Variants in NLRP4 observed in about 807,000 individuals in gnomAD.
NLRP4 encodes the protein NLR family pyrin domain containing 4, also known as NACHT, LRR and PYD domains-containing protein 4.
A neutral mutation model predicts 84.7 loss-of-function variants in NLRP4; 44 were observed. The observed-to-expected ratio is 0.52, with a 90% CI of 0.41 to 0.67. NLRP4 has a LOEUF of 0.67. Among genes scored for constraint, NLRP4 ranks in the 30% least tolerant of loss-of-function variants. The pLI is 0.00. For synonymous variants in NLRP4, 544 were observed against 476.4 expected, an observed-to-expected ratio of 1.14 and a Z score of -1.85; for missense variants, 1,260 against 1,219.4, an observed-to-expected ratio of 1.03 and a Z score of -0.50.
intron 6 of NLRP4, among the ~76,000 whole-genome samples, chr19:55,869,947 T>C (rs887043082): frequency 6.6e-6 from 1 of 151,934 alleles, no homozygotes; most frequent in Non-Finnish European, 1.5e-5. Context: ...AAAATTAGCT[T>C]GGTGTGGTGG....
At chr19:55,840,792 T>G (rs923701970) in intron 1 of NLRP4, among the ~76,000 whole-genome samples, 1 of 152,216 alleles carries the variant, frequency 6.6e-6, no homozygotes, top group Admixed American at 6.5e-5. Flanking sequence ...TTATGCAGCA[T>G]CTAGATTTCT....
rs1984604938 is a variant in NLRP4 at position 55,859,047 on chromosome 19, G to A, written c.1654G>A (p.Ala552Thr). Reference sequence around the variant, plus strand: ...TCCTCAGGGACAGGTGGATTCCTTGGCGATATTTTACTGTCTCTTTGAAAT... The same window carrying A: ...TCCTCAGGGACAGGTGGATTCCTTGACGATATTTTACTGTCTCTTTGAAAT... ...GNPQGQVDSL[A>T]IFYCLFEMQD... is the part of the protein sequence containing the mutation. Residue 552 changes from alanine to threonine, a missense_variant, in exon 3 of 10, where the codon GCG (alanine) becomes ACG (threonine). Physicochemically the swap from Ala to Thr is moderately conservative, Grantham distance 58. Around this residue, in one of 3 missense-constraint regions of NLRP4, gnomAD observed 4 missense variants for 18.5 expected, o/e 0.22. Transcript: ENST00000301295. 6.2e-7 allele frequency: 1 copy of A among 1,613,858 alleles called. No individual in the cohort carries two copies.
intron 1 of NLRP4, among the ~76,000 whole-genome samples, chr19:55,850,382 G>GTAATGTCCGAGGCTGCGGTC (rs2123012169): frequency 1.8e-5 from 1 of 55,494 alleles, no homozygotes; most frequent in Admixed American, 1.7e-4. Flanking sequence ...AGGCTGCGGT[G>GTAATGTCCGAGGCTGCGGTC]TAATGTCCGT....
rs370917669 is a variant in NLRP4 at position 55,866,923 on chromosome 19, A to AT, written c.2187-782dup. ...TGTGGATCATGTTGTATATTTTGGG[A>AT]TTTTCTCCAAGTGCAGTGAGATAAG... On this transcript the variant is annotated intron_variant, in intron 5 of 9. Transcript: ENST00000301295. Among the ~76,000 whole-genome samples, 19 of 152,174 alleles carry AT rather than the reference A, an allele frequency of 1.2e-4. 1 individual carries two copies. The highest frequency in any genetic ancestry group is 3.9e-4 in the African/African-American group (16 of 41,504).
At chr19:55,850,014 A>AG (rs1983990747) in intron 1 of NLRP4, among the ~76,000 whole-genome samples, 2 of 58,664 alleles carry the variant, frequency 3.4e-5, no homozygotes, top group Non-Finnish European at 6.2e-5. Flanking sequence ...GATTTCCGAG[A>AG]CTGCGGTGTG....
rs752885063 is a variant in NLRP4 at position 55,871,028 on chromosome 19, A to G, written c.2525+31A>G. 3 of 1,606,800 alleles carry G rather than the reference A, an allele frequency of 1.9e-6. No homozygotes were observed. In the South Asian group the frequency reaches 3.3e-5, roughly 18 times the overall value. On this transcript the variant is annotated intron_variant, in intron 7 of 9. Transcript: ENST00000301295. ...CTTTTTGCTGTTTCTTTGAAGACCA[A>G]GCCGTCTTTTCAAGGGCATGCACTG...
rs1983315842 is a variant in NLRP4, at chr19:55,836,645, C to G, written c.-355C>G. 6.6e-6 allele frequency: 1 copy of G among 152,486 alleles called. No homozygotes were observed. The highest frequency in any genetic ancestry group is 6.5e-5 in the Admixed American group (1 of 15,288). 9.4% of individuals were successfully genotyped at this position (152,486 alleles called of 1,614,324 possible). A position where few individuals can be genotyped will look rare whatever the true frequency, so the allele number is the denominator to read the frequency against. ...TACTTTGGGTCTTCCTTTTCTTTCTCCCTTTTACCCTGTCTCCTTTCTTGA... is the reference window on the plus strand; with the variant it reads ...TACTTTGGGTCTTCCTTTTCTTTCTGCCTTTTACCCTGTCTCCTTTCTTGA... On this transcript the variant is annotated 5_prime_UTR_variant, in exon 1 of 10. Coordinates refer to ENST00000301295, the MANE Select transcript of NLRP4 (RefSeq NM_134444.5).
At chr19:55,861,223 A>G in intron 3 of NLRP4, among the ~76,000 whole-genome samples, 163 bp from the exon 4 acceptor site, 1 of 152,208 alleles carries the variant, frequency 6.6e-6, no homozygotes, top group East Asian at 1.9e-4. Context: ...GTTGAGAACC[A>G]CTAACATAAG....
At chr19:55,876,810 G>A (rs1985390286) in intron 7 of NLRP4, among the ~76,000 whole-genome samples, 186 bp from the exon 8 acceptor site, 2 of 152,056 alleles carry the variant, frequency 1.3e-5, no homozygotes, top group African/African-American at 2.4e-5. Flanking sequence ...TTAGTGTTGC[G>A]TGTTATGTGT....
chr19:55,848,346 G>T (rs140747965), intron 1 of NLRP4, among the ~76,000 whole-genome samples: 134 of 151,428 alleles, frequency 8.8e-4, no homozygotes, highest in African/African-American at 3.2e-3. Context: ...CCACTCTGAA[G>T]TTAATCCCTA....
intron 8 of NLRP4, among the ~76,000 whole-genome samples, chr19:55,877,866 T>C (rs1015958763): frequency 3.9e-5 from 6 of 152,192 alleles, no homozygotes; most frequent in Non-Finnish European, 8.8e-5. Flanking sequence ...AAAGACCTTG[T>C]ATCCAAATAT....
At chr19:55,840,376 G>GTGTGTGTGTA (rs1230147822) in intron 1 of NLRP4, among the ~76,000 whole-genome samples, 1 of 145,154 alleles carries the variant, frequency 6.9e-6, no homozygotes, top group African/African-American at 2.5e-5. Flanking sequence ...GTGTGTGTGT[G>GTGTGTGTGTA]TATACATATT....
At chr19:55,838,146 C>T (rs560743359) in intron 1 of NLRP4, among the ~76,000 whole-genome samples, 1 of 143,120 alleles carries the variant, frequency 7.0e-6, no homozygotes, top group East Asian at 2.1e-4. Context: ...TGGTGAAATA[C>T]AAAAAATTAG....
chr19:55,877,176 G>A lies in NLRP4; in HGVS notation c.2696+10G>A, dbSNP rs188285830. ...GCTTAGAGATTCTTGGGTGGGTATC[G>A]CCAAGCTCCTGGTTATGTTTTCATG... On this transcript the variant is annotated intron_variant, in intron 8 of 9. Transcript: ENST00000301295. The A allele has an allele frequency of 3.2e-5, 52 of 1,610,950 alleles. 1 individual carries two copies. The East Asian group carries it at 9.2e-4, about 28-fold the overall frequency.
intron 8 of NLRP4, 101 bp downstream of exon 8, chr19:55,877,267 C>A: frequency 1.9e-6 from 2 of 1,065,900 alleles, no homozygotes; most frequent in Non-Finnish European, 2.8e-6. Flanking sequence ...GACCACATAG[C>A]AGCTAGCTGT....
At chr19:55,871,338 A>G (rs935015413) in intron 7 of NLRP4, among the ~76,000 whole-genome samples, 13 of 152,206 alleles carry the variant, frequency 8.5e-5, no homozygotes, top group Non-Finnish European at 1.9e-4. Flanking sequence ...TCAGGTGCAA[A>G]AATAAAGCCA....
rs866216014 is a variant in NLRP4, at chr19:55,867,798, C to T, written c.2276C>T (p.Ser759Phe). ...AAGAAGCTGACGTATCTGAATGTAT[C>T]CTGCAACCAGTTAGACACAGGCGTG... Reference protein sequence around the residue: ...NNKKLTYLNVSCNQLDTGVPL... With the variant: ...NNKKLTYLNVFCNQLDTGVPL... The change falls in exon 6 of 10, where the codon TCC becomes TTC. Residue 759 changes from serine to phenylalanine, a missense_variant. This residue lies in a region of NLRP4 where 544 missense variants were observed against 531.7 expected (regional missense o/e 1.02). Coordinates refer to ENST00000301295, the MANE Select transcript of NLRP4 (RefSeq NM_134444.5). 6.2e-7 allele frequency: 1 copy of T among 1,614,034 alleles called. No individual in the cohort carries two copies. Among genetic ancestry groups the T allele is most frequent in the Admixed American group, 1.7e-5 (1 of 60,002 alleles).
intron 1 of NLRP4, among the ~76,000 whole-genome samples, chr19:55,849,573 G>A (rs1184868458): frequency 6.6e-6 from 1 of 152,160 alleles, no homozygotes. Context: ...GGAAGAGATG[G>A]GGAGAAAGAG....
Position 55,858,210 on chromosome 19 carries a change from G to C in NLRP4, c.817G>C (p.Ala273Pro). ...SLLRKKMLPE[A>P]SLLIAIKPVC... ...GCTGAGGAAGAAGATGCTCCCGGAGGCCTCCCTGCTCATCGCTATCAAACC... is the reference window on the plus strand; with the variant it reads ...GCTGAGGAAGAAGATGCTCCCGGAGCCCTCCCTGCTCATCGCTATCAAACC... Residue 273 changes from alanine to proline, a missense_variant, in exon 3 of 10, where the codon GCC becomes CCC. Transcript: ENST00000301295. The surrounding 1 kb of genome is among the most constrained non-coding windows in gnomAD (Gnocchi z 4.2). The C allele has an allele frequency of 6.2e-7, 1 of 1,614,168 alleles. No individual in the cohort carries two copies. Among genetic ancestry groups the C allele is most frequent in the East Asian group, 2.2e-5 (1 of 44,876 alleles).
Sources: allele counts gnomAD v4.1 joint callset (sites outside exome capture counted in the v4.1 genomes callset), GRCh38; gene constraint gnomAD v4.1.1; regional missense constraint gnomAD v4.1.1; non-coding constraint Gnocchi (gnomAD v3.1); transcripts MANE v1.5; gene names NCBI Gene and HGNC (gene_info 2026-07-23, HGNC 2026-07-21).